Variants in CADPS observed in about 807,000 individuals in gnomAD.
The protein encoded by CADPS is calcium dependent secretion activator.
A neutral mutation model predicts 167.3 loss-of-function variants in CADPS; 57 were observed. The observed-to-expected ratio is 0.34, with a 90% CI of 0.28 to 0.42. The LOEUF (loss-of-function observed/expected upper bound fraction) is 0.42, where lower values mean the gene tolerates loss of function less well. CADPS is among the 20% of genes least tolerant of loss of function. The pLI, the probability that CADPS is intolerant of heterozygous loss-of-function variation, is 1.00. For missense variants in CADPS, 1,414 were observed against 1,738.1 expected (o/e 0.81, Z 3.32); for synonymous variants, 676 against 635.3 (o/e 1.06, Z -0.96).
chr3:62,765,681 G>A (rs960041085), intron 2 of CADPS, among the ~76,000 whole-genome samples, 190 bp downstream of exon 2: 2 of 152,126 alleles, frequency 1.3e-5, no homozygotes, highest in Non-Finnish European at 2.9e-5. Context: ...TTAAATAGTA[G>A]CTTACATTTA....
chr3:62,592,539 C>A, intron 7 of CADPS, 98 bp downstream of exon 7: 1 of 876,580 alleles, frequency 1.1e-6, no homozygotes, highest in Non-Finnish European at 1.9e-6. Flanking sequence ...CTGAGCCTCT[C>A]AGCACTTGGC....
chr3:62,553,283 T>C (rs879721858), intron 10 of CADPS, among the ~76,000 whole-genome samples: 1 of 152,222 alleles, frequency 6.6e-6, no homozygotes, highest in Non-Finnish European at 1.5e-5. Flanking sequence ...CCCTCTCCAC[T>C]GTGCAGTTAT....
chr3:62,654,121 C>T (rs2070926505), intron 4 of CADPS, among the ~76,000 whole-genome samples: 1 of 152,162 alleles, frequency 6.6e-6, no homozygotes, highest in African/African-American at 2.4e-5. Flanking sequence ...AAGTGTGAAC[C>T]TCAGAACTTG....
At chr3:62,607,377 G>C (rs565072605) in intron 6 of CADPS, among the ~76,000 whole-genome samples, 38 of 152,284 alleles carry the variant, frequency 2.5e-4, no homozygotes, top group African/African-American at 8.2e-4. Context: ...ACACCTCCCA[G>C]GGCTAAGGCA....
chr3:62,757,482 C>T, intron 2 of CADPS, among the ~76,000 whole-genome samples: 1 of 152,004 alleles, frequency 6.6e-6, no homozygotes, highest in East Asian at 1.9e-4. Context: ...AGTGAATGAA[C>T]TATAAGAGCA....
chr3:62,785,750 G>T (rs2092354035), intron 1 of CADPS, among the ~76,000 whole-genome samples: 1 of 152,106 alleles, frequency 6.6e-6, no homozygotes, highest in Admixed American at 6.6e-5. Context: ...CTTTCCCAGT[G>T]CAAATAGGAA....
intron 21 of CADPS, among the ~76,000 whole-genome samples, chr3:62,486,520 T>C (rs75188749): frequency 0.011 from 1,640 of 152,108 alleles, 21 homozygotes; most frequent in Non-Finnish European, 0.014. Context: ...ACTTTTTATA[T>C]GCATATCTGA....
At chr3:62,668,585 C>T (rs1362524760) in intron 3 of CADPS, among the ~76,000 whole-genome samples, 1 of 152,158 alleles carries the variant, frequency 6.6e-6, no homozygotes, top group African/African-American at 2.4e-5. Flanking sequence ...GTGAATTTCT[C>T]CTGTCTCTCC....
intron 3 of CADPS, among the ~76,000 whole-genome samples, chr3:62,689,715 A>C (rs1172056287): frequency 6.6e-6 from 1 of 152,050 alleles, no homozygotes; most frequent in Non-Finnish European, 1.5e-5. Context: ...CCCTTGTCCT[A>C]ATCTTTCAAA....
chr3:62,724,072 C>G (rs1225075719), intron 3 of CADPS, among the ~76,000 whole-genome samples: 1 of 152,222 alleles, frequency 6.6e-6, no homozygotes, highest in Non-Finnish European at 1.5e-5. Context: ...AGCACTTAAC[C>G]TTGATGTATC....
At chr3:62,498,199 G>A (rs1210531395) in intron 18 of CADPS, 1 of 456,524 alleles carries the variant, frequency 2.2e-6, no homozygotes, top group Non-Finnish European at 4.4e-6. Flanking sequence ...GAAAAACAGG[G>A]AGGAAATTTA....
chr3:62,801,560 C>T (rs1254300524), intron 1 of CADPS, among the ~76,000 whole-genome samples: 1 of 152,066 alleles, frequency 6.6e-6, no homozygotes, highest in Non-Finnish European at 1.5e-5. Flanking sequence ...TATCAGGAAG[C>T]TGTAAATGAA....
chr3:62,594,135 TTTTA>T (rs1473550236), intron 6 of CADPS, among the ~76,000 whole-genome samples: 21 of 150,098 alleles, frequency 1.4e-4, no homozygotes, highest in Admixed American at 6.6e-4. Context: ...TTTTTATTTT[TTTTA>T]TTTATTTTTT....
At chr3:62,579,042 C>T (rs962095158) in intron 8 of CADPS, among the ~76,000 whole-genome samples, 7 of 152,066 alleles carry the variant, frequency 4.6e-5, no homozygotes, top group Non-Finnish European at 8.8e-5. Context: ...AAGAAGATAG[C>T]CAAGTGTTAC....
chr3:62,789,091 C>G (rs2152720866), intron 1 of CADPS, among the ~76,000 whole-genome samples: 1 of 152,246 alleles, frequency 6.6e-6, no homozygotes, highest in South Asian at 2.1e-4. Context: ...TGTGGTGGTT[C>G]AAAGCACTGA....
intron 6 of CADPS, among the ~76,000 whole-genome samples, chr3:62,642,915 GACAAAACAAA>G (rs59057183): frequency 0.2 from 29,231 of 146,744 alleles, 3,046 homozygotes; most frequent in Middle Eastern, 0.28. Flanking sequence ...TATCTCAAAA[GACAAAACAAA>G]ACAAAACAAA....
chr3:62,730,392 A>T (rs1195760787), intron 3 of CADPS, among the ~76,000 whole-genome samples: 2 of 152,202 alleles, frequency 1.3e-5, no homozygotes, highest in Admixed American at 6.5e-5. Flanking sequence ...CCCCTAAAAC[A>T]TCGAATTATC....
In CADPS at chr3:62,602,584, A is replaced by G. The variant is rs2060131754; in HGVS notation, c.1326-9836T>C. On this transcript the variant is annotated intron_variant, in intron 6 of 29. Transcript: ENST00000383710. The surrounding 1 kb of genome is among the most constrained non-coding windows in gnomAD (Gnocchi z 4.4). ...CCAAGGGAATCAATTGTGCCATCGCAGTGTGTCTCATGCAAACTAATTGAT... is the reference window on the plus strand; with the variant it reads ...CCAAGGGAATCAATTGTGCCATCGCGGTGTGTCTCATGCAAACTAATTGAT... Among the ~76,000 whole-genome samples the G allele has an allele frequency of 6.6e-6, 1 of 152,146 alleles. No homozygotes were observed. The highest frequency in any genetic ancestry group is 2.1e-4 in the South Asian group (1 of 4,814).
intron 28 of CADPS, among the ~76,000 whole-genome samples, chr3:62,419,181 A>T (rs2050796708): frequency 6.6e-6 from 1 of 152,138 alleles, no homozygotes; most frequent in South Asian, 2.1e-4. Context: ...TTTCTTCAAG[A>T]TACATAAATA....
Sources: gnomAD v4.1 joint callset for allele counts (sites outside exome capture counted in the v4.1 genomes callset) on GRCh38, gnomAD v4.1.1 for gene constraint, Gnocchi (gnomAD v3.1) non-coding constraint, MANE v1.5 for transcripts, NCBI Gene and HGNC (gene_info 2026-07-23, HGNC 2026-07-21) for gene names.